The following SP140L variants were observed in gnomAD, a reference collection of about 807,000 sequenced individuals.
The protein encoded by SP140L is SP140 like nuclear body protein.
A neutral mutation model predicts 84.3 loss-of-function variants in SP140L; 64 were observed. The ratio of observed to expected loss-of-function variants is 0.76; its 90% confidence interval spans 0.62 to 0.94. The LOEUF (loss-of-function observed/expected upper bound fraction) is 0.94, where lower values mean the gene tolerates loss of function less well. SP140L is among the 40% of genes least tolerant of loss of function. The pLI, the probability that SP140L is intolerant of heterozygous loss-of-function variation, is 0.00. For synonymous variants in SP140L, 242 were observed against 236.9 expected (o/e 1.02, Z -0.20); for missense variants, 628 against 692.5 (o/e 0.91, Z 1.05).
At chr2:230,390,594 C>T (rs56108366) in intron 11 of SP140L, among the ~76,000 whole-genome samples, 40,938 of 152,082 alleles carry the variant, frequency 0.27, 5,862 homozygotes, top group Non-Finnish European at 0.31. Context: ...AAATATTTTA[C>T]GATTGAAAAT....
intron 10 of SP140L, among the ~76,000 whole-genome samples, chr2:230,389,532 T>C (rs1575533694): frequency 6.6e-6 from 1 of 152,294 alleles, no homozygotes; most frequent in Non-Finnish European, 1.5e-5. Context: ...AGACTGATTA[T>C]GGTCTCTGGC....
In SP140L at chr2:230,361,630, G is replaced by A; in HGVS notation, c.456G>A (p.Leu152=). The A allele has an allele frequency of 1.3e-6, 2 of 1,560,068 alleles. No homozygotes were observed. The highest frequency in any genetic ancestry group is 8.7e-7 in the Non-Finnish European group (1 of 1,150,912). ...ACTCTTCAGCAATCCAAGACAAATT[G>A]TCTTTCCAAGAAAGTGATCGAAAAG... is the stretch of plus-strand genomic sequence containing the variant. The part of the protein sequence containing the change: ...KSFKNAIQDK[L]SFQESDRKER... The change falls in exon 5 of 19, where the codon TTG becomes TTA. Residue 152 remains leucine (L), a synonymous_variant. Coordinates refer to ENST00000415673, the MANE Select transcript of SP140L (RefSeq NM_138402.6).
chr2:230,348,695 G>C (rs1179093248), intron 2 of SP140L, among the ~76,000 whole-genome samples: 6 of 152,140 alleles, frequency 3.9e-5, no homozygotes, highest in Admixed American at 3.9e-4. Flanking sequence ...CAGTATACTT[G>C]AAACACAAAA....
chr2:230,352,109 A>C (rs1204876814), intron 2 of SP140L, among the ~76,000 whole-genome samples: 1 of 152,130 alleles, frequency 6.6e-6, no homozygotes, highest in East Asian at 1.9e-4. Context: ...TAAAATTTTT[A>C]TAGTTCTTAT....
At chr2:230,386,840 G>A in intron 9 of SP140L, among the ~76,000 whole-genome samples, 2 of 152,224 alleles carry the variant, frequency 1.3e-5, no homozygotes, top group East Asian at 3.8e-4. Context: ...AAATAACTCT[G>A]TATTAGCTGG....
At position 230,400,959 on chromosome 2, in the gene SP140L, C is replaced by T. The variant is rs2062308427; in HGVS notation, c.1318C>T (p.Pro440Ser). The T allele has an allele frequency of 6.6e-7, 1 of 1,520,504 alleles. No homozygotes were observed. 94.2% of individuals were successfully genotyped at this position (1,520,504 alleles called of 1,614,324 possible). ...HIPPVESEKT[P>S]WNCIFCRMKE... ...CACCCATGTCCAATCTCTCAGGACC[C>T]CGTGGAATTGCATCTTCTGCAGGAT... is the stretch of plus-strand genomic sequence containing the variant. Residue 440 changes from proline (P) to serine (S), a missense_variant, in exon 16 of 19, where the codon CCG becomes TCG. Physicochemically the swap from Pro to Ser is moderately conservative, Grantham distance 74. Transcript: ENST00000415673.
intron 5 of SP140L, among the ~76,000 whole-genome samples, chr2:230,365,441 C>T (rs977300905): frequency 6.6e-6 from 1 of 152,026 alleles, no homozygotes; most frequent in Non-Finnish European, 1.5e-5. Flanking sequence ...TTGTTCATAG[C>T]AATCTCTTAT....
At chr2:230,339,150 A>G (rs1239124223) in intron 2 of SP140L, among the ~76,000 whole-genome samples, 1 of 151,058 alleles carries the variant, frequency 6.6e-6, no homozygotes, top group African/African-American at 2.4e-5. Flanking sequence ...TTGGTAAGCT[A>G]TTGATTATTG....
At chr2:230,391,464 T>G (rs984674709) in intron 11 of SP140L, among the ~76,000 whole-genome samples, 4 of 152,266 alleles carry the variant, frequency 2.6e-5, no homozygotes, top group African/African-American at 9.6e-5. Context: ...ATTTCCCTAA[T>G]GGCTGATGGG....
At chr2:230,359,209 T>C (rs2060640886) in intron 4 of SP140L, 77 bp downstream of exon 4, 14 of 1,286,200 alleles carry the variant, frequency 1.1e-5, no homozygotes, top group Non-Finnish European at 1.4e-5. Context: ...GCTCCTACCA[T>C]GTGCGATACA....
chr2:230,341,261 C>T (rs896354825), intron 2 of SP140L, among the ~76,000 whole-genome samples: 32 of 145,864 alleles, frequency 2.2e-4, no homozygotes, highest in African/African-American at 7.7e-4. Context: ...ATCGCTGATA[C>T]CCTTTGTTCC....
chr2:230,368,932 T>C (rs2060969882), intron 5 of SP140L, among the ~76,000 whole-genome samples: 1 of 152,258 alleles, frequency 6.6e-6, no homozygotes, highest in Non-Finnish European at 1.5e-5. Flanking sequence ...GTAAATTCTT[T>C]GTGAAGCAGT....
Position 230,357,958 on chromosome 2 carries a change from A to G in SP140L, c.261A>G (p.Lys87=). ...GLRDRELITN[K]MFEDSEDSCR... ...GCGATCGGGAACTCATCACAAATAA[A>G]ATGTTTGAAGTAAGTAAAGTTTATT... Residue 87 remains lysine, a synonymous_variant, in exon 3 of 19, where the codon AAA becomes AAG. Coordinates refer to ENST00000415673, the MANE Select transcript of SP140L (RefSeq NM_138402.6). 1 of 1,612,978 alleles carries G rather than the reference A, an allele frequency of 6.2e-7. No individual in the cohort carries two copies.
chr2:230,347,563 C>T (rs567961761), intron 2 of SP140L, among the ~76,000 whole-genome samples: 5 of 152,068 alleles, frequency 3.3e-5, no homozygotes, highest in African/African-American at 1.2e-4. Context: ...ACTGTCCATG[C>T]AGGTCGCTGG....
Position 230,383,588 on chromosome 2 carries a change from A to G in SP140L, c.703+13A>G. 6.3e-7 allele frequency: 1 copy of G among 1,595,688 alleles called. No individual in the cohort carries two copies. On this transcript the variant is annotated intron_variant, in intron 8 of 18. Coordinates refer to ENST00000415673, the MANE Select transcript of SP140L (RefSeq NM_138402.6). ...AACCAACAAAATGGTAAGCAGGCAA[A>G]GTGAAGTAGTTACAGCTTTTGAGTT...
At chr2:230,365,481 C>T (rs1234847346) in intron 5 of SP140L, among the ~76,000 whole-genome samples, 5 of 151,942 alleles carry the variant, frequency 3.3e-5, no homozygotes, top group East Asian at 1.9e-4. Context: ...GTATGAGTTA[C>T]AGCGTCTTCT....
chr2:230,399,697 G>A (rs1392811476), intron 14 of SP140L: 3 of 155,204 alleles, frequency 1.9e-5, no homozygotes, highest in Admixed American at 6.3e-5. Context: ...AATATGGGAT[G>A]TGATGATATC....
intron 11 of SP140L, among the ~76,000 whole-genome samples, chr2:230,391,312 C>G (rs1163246330): frequency 1.3e-5 from 2 of 152,176 alleles, no homozygotes; most frequent in African/African-American, 4.8e-5. Context: ...TCCACAGTAG[C>G]TGCACTATTC....
chr2:230,402,057 A>C (rs2062367049), intron 18 of SP140L, among the ~76,000 whole-genome samples: 1 of 152,224 alleles, frequency 6.6e-6, no homozygotes, highest in Non-Finnish European at 1.5e-5. Context: ...AGGAGACAGG[A>C]GCTCAGAGAG....
Sources: gnomAD v4.1 joint callset for allele counts (sites outside exome capture counted in the v4.1 genomes callset) on GRCh38, gnomAD v4.1.1 for gene constraint, MANE v1.5 for transcripts, NCBI Gene and HGNC (gene_info 2026-07-23, HGNC 2026-07-21) for gene names.